The following TNR variants were observed in gnomAD, a reference collection of about 807,000 sequenced individuals.
TNR encodes the protein tenascin-R.
Under a neutral mutation model 150.4 loss-of-function variants are expected in TNR, and 45 were observed. The ratio of observed to expected loss-of-function variants is 0.30; its 90% CI spans 0.24 to 0.38. The LOEUF (loss-of-function observed/expected upper bound fraction) is 0.38, where lower values mean the gene tolerates loss of function less well. Ranked by LOEUF, TNR falls within the 10% of genes least tolerant of loss-of-function variation. TNR has a pLI of 1.00. For missense variants in TNR, 1,544 were observed against 1,759.1 expected (o/e 0.88, Z 2.19); for synonymous variants, 687 against 678.4 (o/e 1.01, Z -0.20).
intron 2 of TNR, among the ~76,000 whole-genome samples, chr1:175,468,122 G>A (rs757904242): frequency 2.0e-5 from 3 of 152,142 alleles, no homozygotes; most frequent in Non-Finnish European, 4.4e-5. Context: ...TCTTGATTTC[G>A]GGAAAGCTGG....
chr1:175,718,579 G>C (rs1346298878), intron 1 of TNR, among the ~76,000 whole-genome samples: 1 of 152,226 alleles, frequency 6.6e-6, no homozygotes. Flanking sequence ...ACCTGGGCTT[G>C]TGGCAAAGCC....
intron 2 of TNR, among the ~76,000 whole-genome samples, chr1:175,448,152 G>A (rs554762047): frequency 3.3e-5 from 5 of 152,194 alleles, no homozygotes; most frequent in African/African-American, 7.2e-5. Flanking sequence ...GTGAGCCCCC[G>A]AGCCCTGGTA....
At chr1:175,366,606 A>G (rs976435864) in intron 10 of TNR, among the ~76,000 whole-genome samples, 1 of 152,234 alleles carries the variant, frequency 6.6e-6, no homozygotes, top group African/African-American at 2.4e-5. Flanking sequence ...ACTTTTGTCC[A>G]TGTGGTTCTC....
At chr1:175,727,299 G>A (rs992302805) in intron 1 of TNR, among the ~76,000 whole-genome samples, 5 of 152,118 alleles carry the variant, frequency 3.3e-5, no homozygotes, top group South Asian at 2.1e-4. Flanking sequence ...TAGTAAGTAC[G>A]AATAATTGTC....
Position 175,336,899 on chromosome 1 carries a change from T to C in TNR, c.3534+629A>G, listed in dbSNP as rs561212862. Among the ~76,000 whole-genome samples the C allele has an allele frequency of 5.3e-5, 8 of 152,252 alleles. No individual in the cohort carries two copies. The East Asian group carries it at 1.5e-3, about 29-fold the overall frequency. On this transcript the variant is annotated intron_variant, in intron 19 of 22. Transcript: ENST00000367674. The stretch of plus-strand genomic sequence containing the variant: ...CTCAACTGCCTGTTTGTTTGCTTGT[T>C]TGTTTTGTTTTTTGAGTCTTACTCA...
At chr1:175,327,450 C>T (rs1321270492) in intron 21 of TNR, among the ~76,000 whole-genome samples, 2 of 152,210 alleles carry the variant, frequency 1.3e-5, no homozygotes, top group Non-Finnish European at 2.9e-5. Context: ...GTTCTTCGCT[C>T]GGACTTACTT....
chr1:175,374,791 G>A (rs1381393167), intron 9 of TNR, among the ~76,000 whole-genome samples: 1 of 152,234 alleles, frequency 6.6e-6, no homozygotes, highest in Non-Finnish European at 1.5e-5. Context: ...GGTAAGGGGT[G>A]CGATGAACGG....
intron 1 of TNR, among the ~76,000 whole-genome samples, chr1:175,560,336 A>G (rs553761669): frequency 6.6e-6 from 1 of 152,358 alleles, no homozygotes; most frequent in African/African-American, 2.4e-5. Context: ...GATACAGCCA[A>G]AGATGAAGCC....
intron 1 of TNR, among the ~76,000 whole-genome samples, chr1:175,726,337 T>C (rs1667478644): frequency 6.6e-6 from 1 of 152,228 alleles, no homozygotes; most frequent in African/African-American, 2.4e-5. Context: ...GGTGGGATCT[T>C]TGGAGATGTA....
intron 2 of TNR, among the ~76,000 whole-genome samples, chr1:175,471,329 TA>T (rs1467224030): frequency 6.6e-6 from 1 of 152,192 alleles, no homozygotes; most frequent in African/African-American, 2.4e-5. Context: ...ACGCGTTGTT[TA>T]ACCTGGAGGA....
At chr1:175,522,344 G>C (rs1284883383) in intron 2 of TNR, among the ~76,000 whole-genome samples, 1 of 152,218 alleles carries the variant, frequency 6.6e-6, no homozygotes, top group African/African-American at 2.4e-5. Flanking sequence ...ATAAGTGGGA[G>C]CTAAGCTATG....
chr1:175,366,066 G>A lies in TNR; in HGVS notation c.2126C>T (p.Ala709Val). ...ETSISLIWTK[A>V]SGPIDHYRIT... ...TCGGTAGTGGTCAATGGGGCCACTGGCCTTGGTCCAGATGAGGGAGATGGA... is the reference window on the plus strand; with the variant it reads ...TCGGTAGTGGTCAATGGGGCCACTGACCTTGGTCCAGATGAGGGAGATGGA... The change falls in exon 11 of 23, where the codon GCC (alanine) becomes GTC (valine). Residue 709 changes from alanine to valine, a missense_variant. Ala to Val is a moderately conservative substitution (Grantham distance 64). Coordinates refer to ENST00000367674, the MANE Select transcript of TNR (RefSeq NM_003285.3). The A allele has an allele frequency of 6.2e-7, 1 of 1,614,070 alleles. No individual in the cohort carries two copies. Among genetic ancestry groups the A allele is most frequent in the Non-Finnish European group, 8.5e-7 (1 of 1,179,952 alleles).
chr1:175,637,299 C>T (rs909339094), intron 1 of TNR, among the ~76,000 whole-genome samples: 1 of 152,134 alleles, frequency 6.6e-6, no homozygotes, highest in Non-Finnish European at 1.5e-5. Context: ...AGCTGTACAG[C>T]CATTACTACT....
At chr1:175,333,872 A>T (rs1175405318) in intron 20 of TNR, among the ~76,000 whole-genome samples, 1 of 152,220 alleles carries the variant, frequency 6.6e-6, no homozygotes, top group African/African-American at 2.4e-5. Context: ...GGCACTCACC[A>T]CACAAGGAAT....
At chr1:175,706,427 A>G (rs1385448974) in intron 1 of TNR, among the ~76,000 whole-genome samples, 1 of 152,180 alleles carries the variant, frequency 6.6e-6, no homozygotes, top group South Asian at 2.1e-4. Flanking sequence ...CAAGCCAGAA[A>G]GTATCCAGAG....
chr1:175,495,288 T>C (rs984227504), intron 2 of TNR, among the ~76,000 whole-genome samples: 45 of 152,276 alleles, frequency 3.0e-4, no homozygotes, highest in Admixed American at 1.0e-3. Context: ...CTCACAGATG[T>C]TGTTTCAAGA....
At chr1:175,738,954 T>C (rs1667848645) in intron 1 of TNR, among the ~76,000 whole-genome samples, 1 of 152,234 alleles carries the variant, frequency 6.6e-6, no homozygotes, top group Non-Finnish European at 1.5e-5. Context: ...TGCCGAATCA[T>C]CTACTGGAAT....
rs1648971569 is a variant in TNR, at chr1:175,320,364, C to T, written c.*2993G>A. Reference sequence around the variant, plus strand: ...TGGTGAAAACTCATGAGAAAATCACCCTATTAAATAAAAGGAATCTATAAA... The same window carrying T: ...TGGTGAAAACTCATGAGAAAATCACTCTATTAAATAAAAGGAATCTATAAA... On this transcript the variant is annotated 3_prime_UTR_variant, in exon 23 of 23. Coordinates refer to ENST00000367674, the MANE Select transcript of TNR (RefSeq NM_003285.3). 1 of 151,942 alleles carries T rather than the reference C, an allele frequency of 6.6e-6. No individual in the cohort carries two copies. Among genetic ancestry groups the T allele is most frequent in the Admixed American group, 6.6e-5 (1 of 15,250 alleles). The allele number at this position is 151,942 out of a possible 1,614,324, so 9.4% of individuals were successfully genotyped here. A position where few individuals can be genotyped will look rare whatever the true frequency, so the allele number is the denominator to read the frequency against.
At chr1:175,476,237 G>T (rs140654995) in intron 2 of TNR, among the ~76,000 whole-genome samples, 61 of 152,286 alleles carry the variant, frequency 4.0e-4, no homozygotes, top group African/African-American at 1.4e-3. Context: ...CACAGGACAA[G>T]GTGATCTCAG....
Sources: allele counts gnomAD v4.1 joint callset (sites outside exome capture counted in the v4.1 genomes callset), GRCh38; gene constraint gnomAD v4.1.1; transcripts MANE v1.5; gene names NCBI Gene and HGNC (gene_info 2026-07-23, HGNC 2026-07-21).